The following GPHB5 variants were observed in gnomAD, a reference collection of about 807,000 sequenced individuals.
GPHB5 encodes the protein glycoprotein hormone subunit beta 5.
GPHB5 carries 7 observed loss-of-function variants against 10.1 expected under a neutral mutation model. The observed-to-expected ratio is 0.69, with a 90% CI of 0.39 to 1.30. GPHB5 has a LOEUF of 1.30. Ranked by LOEUF, GPHB5 falls within the 50% of genes most tolerant of loss-of-function variation. GPHB5 has a pLI of 0.01. For synonymous variants in GPHB5, 68 were observed against 70.1 expected, an observed-to-expected ratio of 0.97 and a Z score of 0.15; for missense variants, 161 against 169.8, an observed-to-expected ratio of 0.95 and a Z score of 0.29.
In GPHB5 at chr14:63,312,844, T is replaced by C. The variant is rs1204774077; in HGVS notation, c.*84A>G. ...CAGGTAACCTCCTCCATGGGTGTGGTCGAAATTAAACAGTCTTGCATCCAG... is the reference window on the plus strand; with the variant it reads ...CAGGTAACCTCCTCCATGGGTGTGGCCGAAATTAAACAGTCTTGCATCCAG... On this transcript the variant is annotated 3_prime_UTR_variant, in exon 3 of 3. Transcript: ENST00000621500. 12 of 1,302,834 alleles carry C rather than the reference T, an allele frequency of 9.2e-6. No homozygotes were observed. The highest frequency in any genetic ancestry group is 5.2e-4 in the Middle Eastern group (2 of 3,810). The allele number at this position is 1,302,834 out of a possible 1,614,324, so 80.7% of individuals were successfully genotyped here. A position where few individuals can be genotyped will look rare whatever the true frequency, so the allele number is the denominator to read the frequency against.
chr14:63,313,140 A>G, intron 2 of GPHB5, 24 bp from the exon 3 acceptor site: 2 of 1,519,156 alleles, frequency 1.3e-6, no homozygotes, highest in South Asian at 1.2e-5. Context: ...TAGAAAACAG[A>G]GAATTCATTA....
In GPHB5 at chr14:63,312,869, G is replaced by A; in HGVS notation, c.*59C>T. 4.1e-6 allele frequency: 6 copies of A among 1,454,552 alleles called. No homozygotes were observed. The highest frequency in any genetic ancestry group is 5.6e-6 in the Non-Finnish European group (6 of 1,078,582). 90.1% of individuals were successfully genotyped at this position (1,454,552 alleles called of 1,614,324 possible). A position where few individuals can be genotyped will look rare whatever the true frequency, so the allele number is the denominator to read the frequency against. ...TCGAAATTAAACAGTCTTGCATCCA[G>A]GAAGTATAACTGCATGTGCTGCTCA... On this transcript the variant is annotated 3_prime_UTR_variant, in exon 3 of 3. Transcript: ENST00000621500.
At chr14:63,316,499 T>A (rs1882773884) in intron 2 of GPHB5, among the ~76,000 whole-genome samples, 1 of 152,054 alleles carries the variant, frequency 6.6e-6, no homozygotes, top group South Asian at 2.1e-4. Context: ...TGAAAAAATT[T>A]AAATCACGCG....
chr14:63,315,179 T>G (rs1882751305), intron 2 of GPHB5, among the ~76,000 whole-genome samples: 1 of 152,142 alleles, frequency 6.6e-6, no homozygotes, highest in Non-Finnish European at 1.5e-5. Context: ...CCTCCCAAAG[T>G]GCTGAGATTA....
intron 2 of GPHB5, 104 bp downstream of exon 2, chr14:63,317,542 A>C (rs753857701): frequency 1.6e-5 from 17 of 1,069,652 alleles, no homozygotes; most frequent in Middle Eastern, 3.0e-4. Context: ...GAAAGGGCAG[A>C]TGTCCCAGCT....
chr14:63,313,077 G>A lies in GPHB5; in HGVS notation c.244C>T (p.Arg82Ter), dbSNP rs575761660. The change falls in exon 3 of 3, where the codon CGA becomes TGA. Residue 82 changes from arginine to a stop codon, truncating the protein, a stop_gained. Coordinates refer to ENST00000621500, the MANE Select transcript of GPHB5 (RefSeq NM_145171.4). LOFTEE classifies it high-confidence loss of function. ...TTGGTCTCGTTGTAGGTACAGACTC[G>A]ATGATGGGCTTCAATATAGGGGGGT... ...LEPPYIEAHHRVCTYNETKQV... is the reference protein window; with the variant it reads ...LEPPYIEAHH 1.9e-6 allele frequency: 3 copies of A among 1,607,022 alleles called. No individual in the cohort carries two copies. The highest frequency in any genetic ancestry group is 1.1e-5 in the South Asian group (1 of 89,212).
chr14:63,317,556 C>T, intron 2 of GPHB5, 90 bp downstream of exon 2: 1 of 1,239,604 alleles, frequency 8.1e-7, no homozygotes, highest in Non-Finnish European at 1.1e-6. Flanking sequence ...CCCAGCTCTA[C>T]CTCATATCAT....
At chr14:63,316,555 G>T (rs969959069) in intron 2 of GPHB5, among the ~76,000 whole-genome samples, 4 of 152,174 alleles carry the variant, frequency 2.6e-5, no homozygotes, top group African/African-American at 7.2e-5. Flanking sequence ...ATAGTCAAGG[G>T]CTTACCTGCA....
At chr14:63,314,045 A>G (rs1330673289) in intron 2 of GPHB5, among the ~76,000 whole-genome samples, 9 of 152,236 alleles carry the variant, frequency 5.9e-5, no homozygotes, top group Admixed American at 2.0e-4. Context: ...CATTGAATCA[A>G]TGAAAGAAAA....
intron 2 of GPHB5, among the ~76,000 whole-genome samples, chr14:63,313,481 A>T (rs1226672176): frequency 6.6e-6 from 1 of 152,016 alleles, no homozygotes; most frequent in East Asian, 1.9e-4. Flanking sequence ...AGATCATGTC[A>T]CTCCTCTGCC....
chr14:63,314,267 C>A (rs1171097346), intron 2 of GPHB5, among the ~76,000 whole-genome samples: 1 of 151,820 alleles, frequency 6.6e-6, no homozygotes, highest in Non-Finnish European at 1.5e-5. Context: ...CTGCCACTTG[C>A]TGGAGACCTT....
chr14:63,317,353 T>G (rs577847698), intron 2 of GPHB5, among the ~76,000 whole-genome samples: 1 of 152,316 alleles, frequency 6.6e-6, no homozygotes, highest in East Asian at 1.9e-4. Context: ...CCATGTCATC[T>G]GTAAAACGGG....
chr14:63,317,037 G>A (rs989342765), intron 2 of GPHB5, among the ~76,000 whole-genome samples: 1 of 152,108 alleles, frequency 6.6e-6, no homozygotes, highest in African/African-American at 2.4e-5. Flanking sequence ...TAAATTAAAT[G>A]TCTCTAAAAA....
In GPHB5 at chr14:63,317,703, G is replaced by T. The variant is rs370652768; in HGVS notation, c.147C>A (p.Gly49=). 2 of 1,613,918 alleles carry T rather than the reference G, an allele frequency of 1.2e-6. No individual in the cohort carries two copies. Among genetic ancestry groups the T allele is most frequent in the African/African-American group, 2.7e-5 (2 of 74,942 alleles). The part of the protein sequence containing the change: ...REFTFLAKKP[G]CRGLRITTDA... ...CCGTGGTGATCCGAAGGCCCCTGCA[G>T]CCTGGCTTCTTGGCCAGGAAAGTAA... Residue 49 remains glycine, a synonymous_variant, in exon 2 of 3, where the codon GGC becomes GGA. Transcript: ENST00000621500.
At chr14:63,317,625 C>G (rs1351416678) in intron 2 of GPHB5, 21 bp downstream of exon 2, 1 of 1,612,716 alleles carries the variant, frequency 6.2e-7, no homozygotes, top group Non-Finnish European at 8.5e-7. Context: ...ACACTGTCAT[C>G]TGCACAACTT....
At chr14:63,314,905 C>CTTTTTTTTTT (rs71120257) in intron 2 of GPHB5, among the ~76,000 whole-genome samples, 2 of 75,350 alleles carry the variant, frequency 2.7e-5, no homozygotes, top group Non-Finnish European at 5.4e-5. Context: ...TTTCTTTTTT[C>CTTTTTTTTTT]TTTTTTTTTT....
chr14:63,316,717 C>T (rs1455554880), intron 2 of GPHB5, among the ~76,000 whole-genome samples: 1 of 152,126 alleles, frequency 6.6e-6, no homozygotes, highest in Non-Finnish European at 1.5e-5. Context: ...AGTCACTTAC[C>T]AAGGCCAGAG....
intron 2 of GPHB5, 83 bp downstream of exon 2, chr14:63,317,563 T>C (rs1882791239): frequency 1.5e-6 from 2 of 1,321,792 alleles, no homozygotes; most frequent in Non-Finnish European, 1.1e-6. Flanking sequence ...CTACCTCATA[T>C]CATTTAAAAA....
At chr14:63,317,141 A>C (rs1178557004) in intron 2 of GPHB5, among the ~76,000 whole-genome samples, 1 of 152,138 alleles carries the variant, frequency 6.6e-6, no homozygotes, top group Non-Finnish European at 1.5e-5. Flanking sequence ...AGGGCTGCAG[A>C]AGAGGCAGTG....
Sources: gnomAD v4.1 joint callset for allele counts (sites outside exome capture counted in the v4.1 genomes callset) on GRCh38, gnomAD v4.1.1 for gene constraint, MANE v1.5 for transcripts, NCBI Gene and HGNC (gene_info 2026-07-23, HGNC 2026-07-21) for gene names.